DSTYK: variants seen among roughly 807,000 people sequenced by gnomAD.
The protein encoded by DSTYK is dual serine/threonine and tyrosine protein kinase.
In DSTYK, 34 loss-of-function variants were observed where a neutral mutation model predicts 98.7. The ratio of observed to expected loss-of-function variants is 0.34; its 90% CI spans 0.26 to 0.46. The LOEUF (loss-of-function observed/expected upper bound fraction) is 0.46. DSTYK is among the 20% of genes least tolerant of loss of function. The pLI, the probability that DSTYK is intolerant of heterozygous loss-of-function variation, is 1.00. For synonymous variants in DSTYK, 462 were observed against 457.3 expected, an observed-to-expected ratio of 1.01 and a Z score of -0.13; for missense variants, 962 against 1,181.7, an observed-to-expected ratio of 0.81 and a Z score of 2.73.
chr1:205,175,187 G>A (rs1425114186), intron 2 of DSTYK, among the ~76,000 whole-genome samples: 1 of 149,512 alleles, frequency 6.7e-6, no homozygotes, highest in Non-Finnish European at 1.5e-5. Context: ...TGCAAGCTCC[G>A]CCTCCCAGGT....
At chr1:205,154,842 G>C (rs991461793) in intron 10 of DSTYK, among the ~76,000 whole-genome samples, 5 of 152,156 alleles carry the variant, frequency 3.3e-5, no homozygotes, top group Non-Finnish European at 7.4e-5. Context: ...TGGAAATGAG[G>C]AACTTGTTGG....
intron 10 of DSTYK, among the ~76,000 whole-genome samples, chr1:205,155,333 T>C (rs573478620): frequency 3.9e-5 from 6 of 151,904 alleles, no homozygotes; most frequent in Admixed American, 3.3e-4. Context: ...CAGAGCATAA[T>C]AGTTTGAAAA....
Position 205,157,386 on chromosome 1 carries a change from CCTTGGGGAGACAAAAGAGCTTA to C in DSTYK, c.2239-22_2239-1del. 1 of 1,613,708 alleles carries C rather than the reference CCTTGGGGAGACAAAAGAGCTTA, an allele frequency of 6.2e-7. No individual in the cohort carries two copies. Among genetic ancestry groups the C allele is most frequent in the Non-Finnish European group, 8.5e-7 (1 of 1,179,642 alleles). On this transcript the variant is annotated splice_acceptor_variant and splice_polypyrimidine_tract_variant and intron_variant, in intron 9 of 12. Coordinates refer to ENST00000367162, the MANE Select transcript of DSTYK (RefSeq NM_015375.3). LOFTEE classifies it high-confidence loss of function. ...AAACGTGTCTCCAGGGTCAGCCCAG[CCTTGGGGAGACAAAAGAGCTTA>C]CTTGTCATGATAAGGCAACTCCTCA...
chr1:205,202,127 AGGGAAG>A (rs1033384076), intron 1 of DSTYK: 28 of 454,064 alleles, frequency 6.2e-5, no homozygotes, highest in African/African-American at 2.5e-4. Flanking sequence ...GGGGAAGGGA[AGGGAAG>A]GGGAAGGGGA....
rs1248025717 is a variant in DSTYK, at chr1:205,146,234, G to A, written c.*1324C>T. 1 of 152,184 alleles carries A rather than the reference G, an allele frequency of 6.6e-6. No individual in the cohort carries two copies. Among genetic ancestry groups the A allele is most frequent in the African/African-American group, 2.4e-5 (1 of 41,438 alleles). 9.4% of individuals were successfully genotyped at this position (152,184 alleles called of 1,614,324 possible). A position where few individuals can be genotyped will look rare whatever the true frequency, so the allele number is the denominator to read the frequency against. ...AACACAAAAAGAAAAATTTCTGATTGTGTTAAGTTTTAAAAACAAGCTGGT... is the reference window on the plus strand; with the variant it reads ...AACACAAAAAGAAAAATTTCTGATTATGTTAAGTTTTAAAAACAAGCTGGT... On this transcript the variant is annotated 3_prime_UTR_variant, in exon 13 of 13. Transcript: ENST00000367162.
intron 2 of DSTYK, chr1:205,172,997 G>A (rs547970999): frequency 1.3e-5 from 2 of 152,066 alleles, no homozygotes; most frequent in African/African-American, 4.8e-5. Flanking sequence ...TCAAAAAGTT[G>A]GTAAGTAACA....
chr1:205,202,847 G>C, intron 1 of DSTYK: 1 of 432,246 alleles, frequency 2.3e-6, no homozygotes. Context: ...TATTAACTGA[G>C]TAACAGGTAT....
intron 10 of DSTYK, among the ~76,000 whole-genome samples, chr1:205,151,518 G>C (rs1157150631): frequency 6.6e-6 from 1 of 152,008 alleles, no homozygotes; most frequent in Non-Finnish European, 1.5e-5. Flanking sequence ...CTGTCGTCCA[G>C]GCTGGAGTGC....
chr1:205,161,987 A>C (rs1400308205), intron 6 of DSTYK, 49 bp downstream of exon 6: 1 of 1,573,402 alleles, frequency 6.4e-7, no homozygotes, highest in Non-Finnish European at 8.7e-7. Context: ...CATCTGGATG[A>C]GGCTCTTCTC....
Position 205,148,316 on chromosome 1 carries a change from C to A in DSTYK, c.2491G>T (p.Val831Phe). The A allele has an allele frequency of 6.2e-7, 1 of 1,614,130 alleles. No homozygotes were observed. Among genetic ancestry groups the A allele is most frequent in the South Asian group, 1.1e-5 (1 of 91,088 alleles). Residue 831 changes from valine (V) to phenylalanine (F), a missense_variant, in exon 12 of 13, where the codon GTC (valine) becomes TTC (phenylalanine). Around this residue, in one of 4 missense-constraint regions of DSTYK, gnomAD observed 69 missense variants for 142.9 expected, o/e 0.48. Transcript: ENST00000367162. The part of the protein sequence containing the change: ...FTGKYDNSVD[V>F]YAFGILFWYI... ...CAGAAAAGAATTCCAAAAGCGTAGA[C>A]ATCCACGGAATTATCGTACTTCCCT...
chr1:205,211,517 G>T lies in DSTYK; in HGVS notation c.19C>A (p.Pro7Thr), dbSNP rs550252532. The change falls in exon 1 of 13, where the codon CCA becomes ACA. Residue 7 changes from proline to threonine, a missense_variant. Pro to Thr is a conservative substitution (Grantham distance 38, BLOSUM62 -1). Around this residue, in one of 4 missense-constraint regions of DSTYK, gnomAD observed 168 missense variants for 120.0 expected, o/e 1.40. Coordinates refer to ENST00000367162, the MANE Select transcript of DSTYK (RefSeq NM_015375.3). MEGDGV[P>T]WGSEPVSGPG... ...CCCGAGACGGGCTCGCTGCCCCATG[G>T]CACCCCGTCGCCCTCCATCGCCTCT... is the stretch of plus-strand genomic sequence containing the variant. 6.4e-7 allele frequency: 1 copy of T among 1,553,224 alleles called. No homozygotes were observed. Among genetic ancestry groups the T allele is most frequent in the Non-Finnish European group, 8.6e-7 (1 of 1,156,192 alleles).
At position 205,206,366 on chromosome 1, in the gene DSTYK, G is replaced by A. The variant is rs1186844229; in HGVS notation, c.265+4905C>T. ...GCAATCTCGGCTCACCAAAACCTCC[G>A]CCTCCCGGGTTCAAGCGATTCTCCT... is the stretch of plus-strand genomic sequence containing the variant. On this transcript the variant is annotated intron_variant, in intron 1 of 12. Coordinates refer to ENST00000367162, the MANE Select transcript of DSTYK (RefSeq NM_015375.3). Among the ~76,000 whole-genome samples the A allele has an allele frequency of 3.3e-5, 5 of 150,632 alleles. No individual in the cohort carries two copies. In the Admixed American group the frequency reaches 3.3e-4, roughly 10 times the overall value.
rs1291651732 is a variant in DSTYK, at chr1:205,146,140, A to G, written c.*1418T>C. On this transcript the variant is annotated 3_prime_UTR_variant, in exon 13 of 13. Transcript: ENST00000367162. The stretch of plus-strand genomic sequence containing the variant: ...TTTTAAAAAGGTAAAAAGAAGGAAC[A>G]AATTGCGGGAGAAATCGTGGTTAAA... The G allele has an allele frequency of 6.6e-6, 1 of 152,192 alleles. No individual in the cohort carries two copies. Among genetic ancestry groups the G allele is most frequent in the Non-Finnish European group, 1.5e-5 (1 of 68,032 alleles). The allele number at this position is 152,192 out of a possible 1,614,324, so 9.4% of individuals were successfully genotyped here.
chr1:205,187,413 G>T lies in DSTYK; in HGVS notation c.654+5C>A. On this transcript the variant is annotated splice_donor_5th_base_variant and intron_variant, in intron 2 of 12. Coordinates refer to ENST00000367162, the MANE Select transcript of DSTYK (RefSeq NM_015375.3). Reference sequence around the variant, plus strand: ...ACAATTGGTATAGAAGTATGAGATTGGTACCTGTAAGAGAGCATGGTGCAT... The same window carrying T: ...ACAATTGGTATAGAAGTATGAGATTTGTACCTGTAAGAGAGCATGGTGCAT... The T allele has an allele frequency of 6.2e-6, 10 of 1,600,814 alleles. No individual in the cohort carries two copies. Among genetic ancestry groups the T allele is most frequent in the South Asian group, 1.1e-5 (1 of 89,504 alleles).
At chr1:205,182,856 G>A (rs1447555935) in intron 2 of DSTYK, among the ~76,000 whole-genome samples, 1 of 151,492 alleles carries the variant, frequency 6.6e-6, no homozygotes, top group Non-Finnish European at 1.5e-5. Context: ...ATAACACCAT[G>A]AGCCAAAAAC....
chr1:205,154,694 C>G (rs1190908404), intron 10 of DSTYK, among the ~76,000 whole-genome samples: 2 of 152,078 alleles, frequency 1.3e-5, no homozygotes, highest in Admixed American at 1.3e-4. Flanking sequence ...CAGACAGAGG[C>G]TGGAACAGTT....
chr1:205,166,051 AC>A (rs1373567000), intron 3 of DSTYK, among the ~76,000 whole-genome samples: 1 of 152,156 alleles, frequency 6.6e-6, no homozygotes, highest in Non-Finnish European at 1.5e-5. Flanking sequence ...AAAATAAAAA[AC>A]AAAAACAAAC....
chr1:205,174,977 T>A (rs1658185764), intron 2 of DSTYK, among the ~76,000 whole-genome samples: 1 of 151,982 alleles, frequency 6.6e-6, no homozygotes, highest in African/African-American at 2.4e-5. Flanking sequence ...CCTCAGGTGA[T>A]CCACTCACCT....
At chr1:205,186,137 G>A (rs1405811287) in intron 2 of DSTYK, among the ~76,000 whole-genome samples, 5 of 152,238 alleles carry the variant, frequency 3.3e-5, no homozygotes, top group African/African-American at 7.2e-5. Context: ...ACTGTGTATG[G>A]ATGGATGAAA....
Sources: allele counts gnomAD v4.1 joint callset (sites outside exome capture counted in the v4.1 genomes callset), GRCh38; gene constraint gnomAD v4.1.1; regional missense constraint gnomAD v4.1.1; transcripts MANE v1.5; gene names NCBI Gene and HGNC (gene_info 2026-07-23, HGNC 2026-07-21).